The following FBXO25 variants were observed in gnomAD, a reference collection of about 807,000 sequenced individuals.
FBXO25 encodes the protein F-box protein 25.
FBXO25 carries 45 observed loss-of-function variants against 51.9 expected under a neutral mutation model. That is an observed-to-expected ratio of 0.87 (90% confidence interval 0.68 to 1.11). The LOEUF is 1.11. FBXO25 is among the 50% of genes most tolerant of loss of function. The pLI is 0.00. For synonymous variants in FBXO25, 199 were observed against 151.0 expected, an observed-to-expected ratio of 1.32 and a Z score of -2.33; for missense variants, 507 against 428.5, an observed-to-expected ratio of 1.18 and a Z score of -1.62.
At chr8:424,249 G>T (rs1293890788) in intron 2 of FBXO25, among the ~76,000 whole-genome samples, 1 of 151,632 alleles carries the variant, frequency 6.6e-6, no homozygotes, top group African/African-American at 2.4e-5. Context: ...GTTCCCTGTA[G>T]ATTCTGGATA....
At chr8:434,731 C>G (rs1798002682) in intron 4 of FBXO25, among the ~76,000 whole-genome samples, 1 of 152,014 alleles carries the variant, frequency 6.6e-6, no homozygotes. Flanking sequence ...TTAAATATTT[C>G]AAATATGGAG....
At chr8:450,517 C>T (rs1174404487) in intron 6 of FBXO25, among the ~76,000 whole-genome samples, 1 of 152,096 alleles carries the variant, frequency 6.6e-6, no homozygotes, top group Non-Finnish European at 1.5e-5. Flanking sequence ...AATTTCACAC[C>T]ATGACTTTAT....
At position 437,219 on chromosome 8, in the gene FBXO25, A is replaced by G. The variant is rs546276187; in HGVS notation, c.381+1512A>G. Among the ~76,000 whole-genome samples, 7 of 152,326 alleles carry G rather than the reference A, an allele frequency of 4.6e-5. No homozygotes were observed. In the East Asian group the frequency reaches 1.4e-3, roughly 29 times the overall value. ...TCTGTCGGTCATTTGTCTAATACATATAAATGCATAACTATAAAAATTAAA... is the reference window on the plus strand; with the variant it reads ...TCTGTCGGTCATTTGTCTAATACATGTAAATGCATAACTATAAAAATTAAA... On this transcript the variant is annotated intron_variant, in intron 5 of 9. Coordinates refer to ENST00000350302, the MANE Select transcript of FBXO25 (RefSeq NM_183420.2).
intron 2 of FBXO25, among the ~76,000 whole-genome samples, chr8:428,510 ACTGT>A (rs1356947300): frequency 1.3e-5 from 2 of 150,420 alleles, no homozygotes; most frequent in Non-Finnish European, 2.9e-5. Flanking sequence ...TCTCTTGCAC[ACTGT>A]CTCTTTATCT....
At chr8:445,694 A>G (rs1798696804) in intron 5 of FBXO25, among the ~76,000 whole-genome samples, 1 of 152,176 alleles carries the variant, frequency 6.6e-6, no homozygotes, top group African/African-American at 2.4e-5. Context: ...TCTACTAAAA[A>G]TACAGAACTT....
chr8:440,495 T>C (rs2933479), intron 5 of FBXO25, among the ~76,000 whole-genome samples: 571 of 146,042 alleles, frequency 3.9e-3, no homozygotes, highest in African/African-American at 0.012. Context: ...TGAAGAGCTT[T>C]TTCATTACGA....
chr8:457,269 G>C (rs73669395), intron 7 of FBXO25, among the ~76,000 whole-genome samples: 1 of 152,104 alleles, frequency 6.6e-6, no homozygotes, highest in Non-Finnish European at 1.5e-5. Flanking sequence ...GAGAATGAAG[G>C]GATTTATTTA....
intron 9 of FBXO25, chr8:467,923 A>G (rs1800289018): frequency 2.1e-6 from 3 of 1,454,868 alleles, no homozygotes; most frequent in Non-Finnish European, 2.7e-6. Flanking sequence ...CTCAGCAAGG[A>G]CGAGAGTGTT....
rs78628558 is a variant in FBXO25, at chr8:468,863, T to C, written c.*59T>C. ...AATCCTGCTGTCTGTGCAGGGCTCA[T>C]AGTGAGTGTTCTGTGAGGTGGGTGG... On this transcript the variant is annotated 3_prime_UTR_variant, in exon 10 of 10. Transcript: ENST00000350302. 5,022 of 1,520,664 alleles carry C rather than the reference T, an allele frequency of 3.3e-3. 131 individuals carry two copies. The African/African-American group carries it at 0.062, about 19-fold the overall frequency. 94.2% of individuals were successfully genotyped at this position (1,520,664 alleles called of 1,614,324 possible). A position where few individuals can be genotyped will look rare whatever the true frequency, so the allele number is the denominator to read the frequency against.
At chr8:467,829 A>C (rs1585114738) in intron 9 of FBXO25, 1 of 1,602,834 alleles carries the variant, frequency 6.2e-7, no homozygotes, top group African/African-American at 1.3e-5. Context: ...CATCTTGGCC[A>C]CTGCCCGGCT....
chr8:414,069 C>T (rs1314699449), intron 2 of FBXO25, among the ~76,000 whole-genome samples: 2 of 152,098 alleles, frequency 1.3e-5, no homozygotes, highest in African/African-American at 2.4e-5. Flanking sequence ...CTTGATGGGC[C>T]ATATGTTTTT....
intron 2 of FBXO25, among the ~76,000 whole-genome samples, chr8:418,984 TACCACACAAAA>T (rs1796986125): frequency 6.6e-6 from 1 of 152,180 alleles, no homozygotes; most frequent in South Asian, 2.1e-4. Context: ...GCAGATTGCT[TACCACACAAAA>T]ACCACAAGCT....
Position 469,091 on chromosome 8 carries a change from T to G in FBXO25, c.*287T>G. On this transcript the variant is annotated 3_prime_UTR_variant, in exon 10 of 10. Coordinates refer to ENST00000350302, the MANE Select transcript of FBXO25 (RefSeq NM_183420.2). ...CTATATATATAGTTCAAAAATACTT[T>G]AGGTGGTCAGCTCCACATTCTTTGT... 3.4e-6 allele frequency: 1 copy of G among 294,786 alleles called. No individual in the cohort carries two copies. The highest frequency in any genetic ancestry group is 6.2e-6 in the Non-Finnish European group (1 of 161,382). 18.3% of individuals were successfully genotyped at this position (294,786 alleles called of 1,614,324 possible).
intron 6 of FBXO25, 23 bp from the exon 7 acceptor site, chr8:451,246 A>G (rs766145795): frequency 1.3e-6 from 2 of 1,575,526 alleles, no homozygotes; most frequent in South Asian, 1.2e-5. Context: ...ATCAATCCAT[A>G]GTTTTATTTT....
chr8:421,735 G>A (rs1156595764), intron 2 of FBXO25, among the ~76,000 whole-genome samples: 2 of 152,152 alleles, frequency 1.3e-5, no homozygotes, highest in African/African-American at 4.8e-5. Context: ...GCCTGAGATG[G>A]TGGATCCTAA....
At chr8:459,240 T>C (rs997621073) in intron 8 of FBXO25, among the ~76,000 whole-genome samples, 1 of 152,206 alleles carries the variant, frequency 6.6e-6, no homozygotes, top group Non-Finnish European at 1.5e-5. Flanking sequence ...CATGTTGTGC[T>C]CCTCGTGGGG....
chr8:407,980 T>G (rs1016312149), intron 1 of FBXO25, among the ~76,000 whole-genome samples: 2 of 152,326 alleles, frequency 1.3e-5, no homozygotes, highest in Non-Finnish European at 2.9e-5. Flanking sequence ...TCTTGCTGCC[T>G]CCAAATCCTT....
chr8:457,891 G>A (rs1799554544), intron 7 of FBXO25, among the ~76,000 whole-genome samples: 1 of 152,190 alleles, frequency 6.6e-6, no homozygotes. Context: ...CTCATCACTG[G>A]GGTGACCAGC....
intron 5 of FBXO25, among the ~76,000 whole-genome samples, chr8:445,766 G>C (rs1798701458): frequency 6.6e-6 from 1 of 152,204 alleles, no homozygotes; most frequent in African/African-American, 2.4e-5. Context: ...AGCTACTGGG[G>C]AAGCTGAGGC....
Sources: gnomAD v4.1 joint callset for allele counts (sites outside exome capture counted in the v4.1 genomes callset) on GRCh38, gnomAD v4.1.1 for gene constraint, MANE v1.5 for transcripts, NCBI Gene and HGNC (gene_info 2026-07-23, HGNC 2026-07-21) for gene names.